UBE2D2: variants seen among roughly 807,000 people sequenced by gnomAD.
UBE2D2 encodes ubiquitin-conjugating enzyme E2 D2.
Under a neutral mutation model 24.2 loss-of-function variants are expected in UBE2D2, and 2 were observed. The observed-to-expected ratio is 0.08, with a 90% CI of 0.03 to 0.26. The LOEUF (loss-of-function observed/expected upper bound fraction) is 0.26. Ranked by LOEUF, UBE2D2 falls within the 10% of genes least tolerant of loss-of-function variation. The probability of loss-of-function intolerance (pLI) is 1.00; values close to 1 mark genes in which losing one functional copy is unlikely to be tolerated. For synonymous variants in UBE2D2, 58 were observed against 56.5 expected, an observed-to-expected ratio of 1.03 and a Z score of -0.12; for missense variants, 44 against 177.6, an observed-to-expected ratio of 0.25 and a Z score of 4.28.
intron 1 of UBE2D2, among the ~76,000 whole-genome samples, chr5:139,539,528 C>T (rs894905630): frequency 6.6e-5 from 10 of 151,986 alleles, no homozygotes; most frequent in African/African-American, 1.9e-4. Context: ...GTGATGGTTA[C>T]GGGAATCTGT....
chr5:139,612,164 G>T, intron 2 of UBE2D2: 1 of 163,208 alleles, frequency 6.1e-6, no homozygotes, highest in East Asian at 1.6e-4. Context: ...GTGTAGATTT[G>T]TTTCGAAGTC....
Position 139,600,383 on chromosome 5 carries a change from T to C in UBE2D2, c.36T>C (p.Asp12=). 1.2e-6 allele frequency: 2 copies of C among 1,614,118 alleles called. No homozygotes were observed. Among genetic ancestry groups the C allele is most frequent in the Non-Finnish European group, 1.7e-6 (2 of 1,180,026 alleles). Residue 12 remains aspartate, a synonymous_variant, in exon 2 of 7, where the codon GAT becomes GAC. Coordinates refer to ENST00000398733, the MANE Select transcript of UBE2D2 (RefSeq NM_003339.3). ...TCTTTTTTCTGTAGGAATTGAATGATCTGGCACGGGACCCTCCAGCACAGT... is the reference window on the plus strand; with the variant it reads ...TCTTTTTTCTGTAGGAATTGAATGACCTGGCACGGGACCCTCCAGCACAGT... ...ALKRIHKELN[D]LARDPPAQCS...
rs930160484 is a variant in UBE2D2 at position 139,561,619 on chromosome 5, G to C, written c.-173G>C. 1.2e-5 allele frequency: 6 copies of C among 482,440 alleles called. No individual in the cohort carries two copies. The highest frequency in any genetic ancestry group is 1.8e-5 in the Non-Finnish European group (5 of 279,106). 29.9% of individuals were successfully genotyped at this position (482,440 alleles called of 1,614,324 possible). ...TGCGGTGACCGCTGCGGCAGGCCCA[G>C]GAGCTGAGTGGGCCCCGGCCCTCAG... On this transcript the variant is annotated 5_prime_UTR_variant, in exon 1 of 7. Coordinates refer to ENST00000398733, the MANE Select transcript of UBE2D2 (RefSeq NM_003339.3).
chr5:139,606,405 C>T (rs1054630681), intron 2 of UBE2D2, among the ~76,000 whole-genome samples: 1 of 152,032 alleles, frequency 6.6e-6, no homozygotes, highest in African/African-American at 2.4e-5. Flanking sequence ...TCAGGTGATC[C>T]ACCCACCTCG....
chr5:139,581,791 C>G (rs1581507131), intron 1 of UBE2D2, among the ~76,000 whole-genome samples: 2 of 152,048 alleles, frequency 1.3e-5, no homozygotes, highest in South Asian at 4.2e-4. Context: ...GCCTCAGCCT[C>G]CCGAGTAGCT....
chr5:139,527,883 A>G (rs949519773), intron 1 of UBE2D2, among the ~76,000 whole-genome samples: 1 of 152,248 alleles, frequency 6.6e-6, no homozygotes, highest in Admixed American at 6.5e-5. Context: ...AAACAAAAGC[A>G]ATTGTTATGC....
At chr5:139,597,726 TAGTTA>T (rs1753988173) in intron 1 of UBE2D2, among the ~76,000 whole-genome samples, 2 of 152,234 alleles carry the variant, frequency 1.3e-5, no homozygotes, top group Admixed American at 1.3e-4. Context: ...CAGGTGTTCT[TAGTTA>T]TACCAACCTG....
intron 1 of UBE2D2, among the ~76,000 whole-genome samples, chr5:139,533,478 C>T (rs1189366086): frequency 6.6e-6 from 1 of 151,704 alleles, no homozygotes; most frequent in Non-Finnish European, 1.5e-5. Flanking sequence ...ATGGCAAGTT[C>T]CTGTCTACTA....
intron 1 of UBE2D2, among the ~76,000 whole-genome samples, chr5:139,554,496 T>C (rs1314612578): frequency 6.6e-6 from 1 of 152,250 alleles, no homozygotes; most frequent in Non-Finnish European, 1.5e-5. Flanking sequence ...GTTGAGTGTA[T>C]CAATAGTTTG....
rs1442453120 is a variant in UBE2D2, at chr5:139,628,413, G to A, written c.*1612G>A. 6.6e-6 allele frequency: 1 copy of A among 152,540 alleles called. No individual in the cohort carries two copies. Among genetic ancestry groups the A allele is most frequent in the Non-Finnish European group, 1.5e-5 (1 of 68,018 alleles). 9.4% of individuals were successfully genotyped at this position (152,540 alleles called of 1,614,324 possible). A position where few individuals can be genotyped will look rare whatever the true frequency, so the allele number is the denominator to read the frequency against. Reference sequence around the variant, plus strand: ...CTTGCACAAAAGTTAAGGAATAAATGTCCACTGCTTTTGGTTTTAAACTTG... The same window carrying A: ...CTTGCACAAAAGTTAAGGAATAAATATCCACTGCTTTTGGTTTTAAACTTG... On this transcript the variant is annotated 3_prime_UTR_variant, in exon 7 of 7. Transcript: ENST00000398733.
chr5:139,531,528 T>C (rs1752596622), intron 1 of UBE2D2, among the ~76,000 whole-genome samples: 1 of 150,326 alleles, frequency 6.7e-6, no homozygotes, highest in Non-Finnish European at 1.5e-5. Flanking sequence ...TACAACTCGG[T>C]GTCTGAGAGG....
intron 5 of UBE2D2, among the ~76,000 whole-genome samples, chr5:139,620,527 A>G (rs1415754527): frequency 1.3e-5 from 2 of 152,194 alleles, no homozygotes; most frequent in Admixed American, 1.3e-4. Flanking sequence ...ACAATAGGAA[A>G]ATGTTTTTGG....
chr5:139,549,578 C>G (rs75760249), intron 1 of UBE2D2, among the ~76,000 whole-genome samples: 6,854 of 152,322 alleles, frequency 0.045, 211 homozygotes, highest in Non-Finnish European at 0.068. Context: ...AGCACCTGCC[C>G]GCAGGGCAGG....
rs568886707 is a variant in UBE2D2 at position 139,580,531 on chromosome 5, G to A, written c.24+18716G>A. ...GGCTGGAGTGCAGTGGCGCGATCTC[G>A]GCTTACTGCAACCTCCGCCTCCCGG... On this transcript the variant is annotated intron_variant, in intron 1 of 6. Transcript: ENST00000398733. Among the ~76,000 whole-genome samples the A allele has an allele frequency of 2.6e-5, 4 of 152,186 alleles. No homozygotes were observed. In the South Asian group the frequency reaches 6.2e-4, roughly 24 times the overall value.
intron 1 of UBE2D2, among the ~76,000 whole-genome samples, chr5:139,551,158 A>G (rs3178937): frequency 5.9e-5 from 9 of 152,072 alleles, no homozygotes; most frequent in African/African-American, 1.9e-4. Context: ...CAGCCTGGCC[A>G]ATATAGTGAA....
At chr5:139,626,437 A>C (rs1388813920) in intron 6 of UBE2D2, among the ~76,000 whole-genome samples, 2 of 152,204 alleles carry the variant, frequency 1.3e-5, no homozygotes, top group Non-Finnish European at 1.5e-5. Flanking sequence ...ATATAATTTC[A>C]AGTACTTTAA....
chr5:139,627,006 T>A lies in UBE2D2; in HGVS notation c.*205T>A, dbSNP rs1343429205. The stretch of plus-strand genomic sequence containing the variant: ...ACTGTACTTCTGTACCAACATTGCC[T>A]CCTAGCAGAGAAGTGTGTGTGTGAC... On this transcript the variant is annotated 3_prime_UTR_variant, in exon 7 of 7. Transcript: ENST00000398733. 3 of 519,088 alleles carry A rather than the reference T, an allele frequency of 5.8e-6. No homozygotes were observed. The highest frequency in any genetic ancestry group is 3.5e-5 in the Admixed American group (1 of 28,424). 32.2% of individuals were successfully genotyped at this position (519,088 alleles called of 1,614,324 possible). A position where few individuals can be genotyped will look rare whatever the true frequency, so the allele number is the denominator to read the frequency against.
At chr5:139,548,037 G>A (rs542480421) in intron 1 of UBE2D2, among the ~76,000 whole-genome samples, 5 of 151,282 alleles carry the variant, frequency 3.3e-5, no homozygotes, top group South Asian at 4.2e-4. Context: ...GGTGGCTCAC[G>A]CCTGTAATCC....
chr5:139,610,532 T>A (rs1224969885), intron 2 of UBE2D2, among the ~76,000 whole-genome samples: 1 of 149,560 alleles, frequency 6.7e-6, no homozygotes, highest in Admixed American at 6.7e-5. Context: ...AGAGCGAGAC[T>A]CCGTCTCAAA....
Sources: allele counts gnomAD v4.1 joint callset (sites outside exome capture counted in the v4.1 genomes callset), GRCh38; gene constraint gnomAD v4.1.1; transcripts MANE v1.5; gene names NCBI Gene and HGNC (gene_info 2026-07-23, HGNC 2026-07-21).